Variants in PCF11 observed in about 807,000 individuals in gnomAD.
The protein encoded by PCF11 is pre-mRNA cleavage complex 2 protein Pcf11.
Under a neutral mutation model 166.1 loss-of-function variants are expected in PCF11, and 19 were observed. That is an observed-to-expected ratio of 0.11 (90% CI 0.08 to 0.17). PCF11 has a LOEUF of 0.17. Ranked by LOEUF, PCF11 falls within the 10% of genes least tolerant of loss-of-function variation. PCF11 has a pLI of 1.00. For missense variants in PCF11, 1,565 were observed against 1,855.5 expected (o/e 0.84, Z 2.88); for synonymous variants, 663 against 644.1 (o/e 1.03, Z -0.44).
At chr11:83,179,930 G>T (rs1187205038) in intron 11 of PCF11, among the ~76,000 whole-genome samples, 1 of 151,826 alleles carries the variant, frequency 6.6e-6, no homozygotes, top group Non-Finnish European at 1.5e-5. Flanking sequence ...CAAAAAAAAC[G>T]GGCGGGGGGT....
In PCF11 at chr11:83,168,952, G is replaced by T. The variant is rs768004681; in HGVS notation, c.2617G>T (p.Val873Leu). The change falls in exon 8 of 16, where the codon GTG becomes TTG. Residue 873 changes from valine to leucine, a missense_variant. By Grantham distance (32) the Val-to-Leu change is conservative. This residue lies in a region of PCF11 where 725 missense variants were observed against 749.3 expected (regional missense o/e 0.97). Transcript: ENST00000298281. ...ATTTGAGGGACCAGGAGGCCAGCCT[G>T]TGGGTGGTCTGAGGTTTGAGGGACA... 3.7e-6 allele frequency: 6 copies of T among 1,613,762 alleles called. No individual in the cohort carries two copies. The South Asian group carries it at 5.5e-5, about 15-fold the overall frequency.
At position 83,174,092 on chromosome 11, in the gene PCF11, G is replaced by A. The variant is rs1383702268; in HGVS notation, c.3757+2178G>A. 1.3e-5 allele frequency among the ~76,000 whole-genome samples: 2 copies of A among 152,092 alleles called. 1 individual carries two copies. Among genetic ancestry groups the A allele is most frequent in the African/African-American group, 4.8e-5 (2 of 41,400 alleles). On this transcript the variant is annotated intron_variant, in intron 9 of 15. Coordinates refer to ENST00000298281, the Ensembl canonical transcript of PCF11. The stretch of plus-strand genomic sequence containing the variant: ...GTACAGGACATAGCAGTGTCACAGA[G>A]GAAATCATAATTATTCCCCTTGTTA...
intron 11 of PCF11, among the ~76,000 whole-genome samples, chr11:83,179,109 C>CT (rs143789101): frequency 3.3e-4 from 49 of 147,578 alleles, no homozygotes; most frequent in East Asian, 2.4e-3. Context: ...ATGTAAAATC[C>CT]TTTTTTTTTT....
At chr11:83,174,802 C>G (rs1459670313) in intron 9 of PCF11, among the ~76,000 whole-genome samples, 1 of 152,144 alleles carries the variant, frequency 6.6e-6, no homozygotes, top group African/African-American at 2.4e-5. Context: ...TGGCTGCCCT[C>G]AGACATCTGA....
At chr11:83,175,926 A>G (rs1860864162) in intron 9 of PCF11, among the ~76,000 whole-genome samples, 1 of 152,236 alleles carries the variant, frequency 6.6e-6, no homozygotes, top group Non-Finnish European at 1.5e-5. Flanking sequence ...ACACCTTTTC[A>G]GCAATAGCTT....
At chr11:83,185,061 C>T (rs920737141) in exon 16 of PCF11, 1 of 512,836 alleles carries the variant, frequency 1.9e-6, no homozygotes, top group Non-Finnish European at 3.4e-6. Flanking sequence ...TTTGCATTTC[C>T]TACTGCCTGC....
At chr11:83,171,565 A>T (rs1860692469) in intron 8 of PCF11, among the ~76,000 whole-genome samples, 2 of 152,192 alleles carry the variant, frequency 1.3e-5, no homozygotes, top group Admixed American at 1.3e-4. Flanking sequence ...TCTAGTAGGT[A>T]CCTTAAACTT....
rs746206262 is a variant in PCF11 at position 83,181,204 on chromosome 11, T to G, written c.4167+13T>G. ...CTACAGTTTAACAGTAAGTAACCCA[T>G]GTGCCTCCATAGTATCTTTTAGGCT... On this transcript the variant is annotated intron_variant, in intron 12 of 15. Transcript: ENST00000298281. The G allele has an allele frequency of 1.3e-6, 2 of 1,484,470 alleles. No individual in the cohort carries two copies. The highest frequency in any genetic ancestry group is 2.7e-5 in the African/African-American group (2 of 72,970). 92.0% of individuals were successfully genotyped at this position (1,484,470 alleles called of 1,614,324 possible).
chr11:83,158,571 T>C (rs751715444), intron 1 of PCF11: 2 of 152,254 alleles, frequency 1.3e-5, no homozygotes, highest in Non-Finnish European at 2.9e-5. Context: ...GAGCGATATG[T>C]CATTTAAGTA....
At chr11:83,172,590 CTT>C (rs1020950970) in intron 9 of PCF11, among the ~76,000 whole-genome samples, 64 of 152,072 alleles carry the variant, frequency 4.2e-4, no homozygotes, top group African/African-American at 1.5e-3. Context: ...ACTGGGCTAA[CTT>C]TTGTATTTTT....
Position 83,161,479 on chromosome 11 carries a change from G to T in PCF11, c.318+27G>T, listed in dbSNP as rs777259824. The stretch of plus-strand genomic sequence containing the variant: ...TACATATGCATTTAGAAACATTTGC[G>T]TTTTTTTTTAAAAAATGTGTTCCTG... On this transcript the variant is annotated intron_variant, in intron 2 of 15. Transcript: ENST00000298281. 15 of 1,473,666 alleles carry T rather than the reference G, an allele frequency of 1.0e-5. No homozygotes were observed. In the Admixed American group the frequency reaches 1.9e-4, roughly 19 times the overall value. The allele number at this position is 1,473,666 out of a possible 1,614,324, so 91.3% of individuals were successfully genotyped here. A position where few individuals can be genotyped will look rare whatever the true frequency, so the allele number is the denominator to read the frequency against.
In PCF11 at chr11:83,168,901, T is replaced by C. The variant is rs1257130831; in HGVS notation, c.2566T>C (p.Phe856Leu). The C allele has an allele frequency of 1.9e-6, 3 of 1,612,884 alleles. No individual in the cohort carries two copies. In the South Asian group the frequency reaches 3.3e-5, roughly 18 times the overall value. ...GTTTGAAGGTTCCCCTGGTCTGAGG[T>C]TTGAGGGATCTCCAGGTGGTTTGAG... Residue 856 changes from phenylalanine to leucine, a missense_variant, in exon 8 of 16, where the codon TTT (phenylalanine) becomes CTT (leucine). Around this residue, in one of 12 missense-constraint regions of PCF11, gnomAD observed 725 missense variants for 749.3 expected, o/e 0.97. Transcript: ENST00000298281.
At chr11:83,157,218 T>C in exon 1 of PCF11, 1 of 586,592 alleles carries the variant, frequency 1.7e-6, no homozygotes, top group East Asian at 2.8e-5. Flanking sequence ...GAAAGAAGCT[T>C]CTGTGGCGGC....
intron 11 of PCF11, 121 bp downstream of exon 11, chr11:83,177,940 A>T: frequency 2.7e-6 from 1 of 368,828 alleles, no homozygotes; most frequent in Non-Finnish European, 4.7e-6. Context: ...TTTAACATTT[A>T]GGAAGTCTTT....
At chr11:83,182,955 C>G (rs1027468211) in intron 14 of PCF11, 83 bp from the exon 15 acceptor site, 1 of 866,878 alleles carries the variant, frequency 1.2e-6, no homozygotes, top group African/African-American at 1.8e-5. Flanking sequence ...AGACTATCTT[C>G]TGGCTTAAAG....
rs1481150144 is a variant in PCF11 at position 83,166,516 on chromosome 11, A to C, written c.1619A>C (p.Glu540Ala). ...GAAGAGTTTACACCACCTTCTAGGGAAGACAGAAATGCTAAGAGAAGTACT... is the reference window on the plus strand; with the variant it reads ...GAAGAGTTTACACCACCTTCTAGGGCAGACAGAAATGCTAAGAGAAGTACT... Residue 540 changes from glutamate to alanine, a missense_variant, in exon 5 of 16, where the codon GAA (glutamate) becomes GCA (alanine). Glu to Ala is a moderately radical substitution (Grantham distance 107). Around this residue, in one of 12 missense-constraint regions of PCF11, gnomAD observed 468 missense variants for 483.4 expected, o/e 0.97. Coordinates refer to ENST00000298281, the Ensembl canonical transcript of PCF11. 2.5e-6 allele frequency: 4 copies of C among 1,613,772 alleles called. No individual in the cohort carries two copies. Among genetic ancestry groups the C allele is most frequent in the Admixed American group, 3.3e-5 (2 of 59,978 alleles).
exon 16 of PCF11, chr11:83,185,609 T>C (rs1318128502): frequency 1.3e-5 from 2 of 152,640 alleles, no homozygotes; most frequent in African/African-American, 4.8e-5. Context: ...TGATTTTTTT[T>C]TTAAAGACTT....
Position 83,167,004 on chromosome 11 carries a change from T to C in PCF11, c.1818-121T>C, listed in dbSNP as rs1219541673. On this transcript the variant is annotated intron_variant, in intron 5 of 15. Transcript: ENST00000298281. This position sits in a 1 kb window ranked among gnomAD's most constrained non-coding sequence, Gnocchi z 4.2. ...TTTGTGCTCTTAATCATTTATTTAATTACTTTTTGTGGTTACATATGCCCA... is the reference window on the plus strand; with the variant it reads ...TTTGTGCTCTTAATCATTTATTTAACTACTTTTTGTGGTTACATATGCCCA... The C allele has an allele frequency of 6.5e-6, 5 of 768,980 alleles. No homozygotes were observed. The highest frequency in any genetic ancestry group is 1.0e-5 in the Non-Finnish European group (5 of 477,054). The allele number at this position is 768,980 out of a possible 1,614,324, so 47.6% of individuals were successfully genotyped here. A position where few individuals can be genotyped will look rare whatever the true frequency, so the allele number is the denominator to read the frequency against.
chr11:83,183,915 G>A (rs1385001493), intron 15 of PCF11, among the ~76,000 whole-genome samples: 1 of 151,684 alleles, frequency 6.6e-6, no homozygotes, highest in Non-Finnish European at 1.5e-5. Context: ...CTTTTGGGAG[G>A]CCGAGGCGAG....
Sources: allele counts gnomAD v4.1 joint callset (sites outside exome capture counted in the v4.1 genomes callset), GRCh38; gene constraint gnomAD v4.1.1; regional missense constraint gnomAD v4.1.1; non-coding constraint Gnocchi (gnomAD v3.1); transcripts MANE v1.5; gene names NCBI Gene and HGNC (gene_info 2026-07-23, HGNC 2026-07-21).